The following BTBD7 variants were observed in gnomAD, a reference collection of about 807,000 sequenced individuals.
The protein encoded by BTBD7 is BTB domain containing 7.
In BTBD7, 38 loss-of-function variants were observed where a neutral mutation model predicts 99.9. That is an observed-to-expected ratio of 0.38 (90% CI 0.29 to 0.50). The LOEUF is 0.50. Ranked by LOEUF, BTBD7 falls within the 20% of genes least tolerant of loss-of-function variation. The pLI is 0.93. For missense variants in BTBD7, 1,170 were observed against 1,394.6 expected, an observed-to-expected ratio of 0.84 and a Z score of 2.57; for synonymous variants, 520 against 511.4, an observed-to-expected ratio of 1.02 and a Z score of -0.23.
intron 1 of BTBD7, among the ~76,000 whole-genome samples, chr14:93,325,106 ATTT>A (rs34523849): frequency 0.017 from 1,792 of 105,492 alleles, 23 homozygotes; most frequent in South Asian, 0.06. Context: ...GCATGCTCCA[ATTT>A]TTTTTTTTTT....
intron 10 of BTBD7, among the ~76,000 whole-genome samples, chr14:93,245,195 T>G (rs923396977): frequency 6.6e-6 from 1 of 151,798 alleles, no homozygotes; most frequent in African/African-American, 2.4e-5. Flanking sequence ...AAGTATATTA[T>G]ACAAAATCTC....
intron 4 of BTBD7, among the ~76,000 whole-genome samples, chr14:93,262,770 A>T (rs1412994831): frequency 1.3e-5 from 2 of 148,548 alleles, no homozygotes; most frequent in African/African-American, 5.1e-5. Flanking sequence ...GAGCAAATCT[A>T]GGCTGCTCTC....
chr14:93,281,094 T>C (rs2052714029), intron 3 of BTBD7, among the ~76,000 whole-genome samples: 1 of 152,010 alleles, frequency 6.6e-6, no homozygotes, highest in Non-Finnish European at 1.5e-5. Context: ...TCTGCGCTTC[T>C]TGGGCTCTTG....
chr14:93,270,827 G>C (rs1361546430), intron 3 of BTBD7, among the ~76,000 whole-genome samples: 1 of 152,198 alleles, frequency 6.6e-6, no homozygotes, highest in East Asian at 1.9e-4. Context: ...GCTCTTGGGA[G>C]GCTGGCAGGT....
chr14:93,322,709 T>C (rs2053283629), intron 1 of BTBD7, among the ~76,000 whole-genome samples: 1 of 152,180 alleles, frequency 6.6e-6, no homozygotes. Context: ...CAACCAGACA[T>C]CAAAACAAGA....
intron 1 of BTBD7, among the ~76,000 whole-genome samples, chr14:93,306,394 A>C (rs935703072): frequency 1.3e-5 from 2 of 151,502 alleles, no homozygotes; most frequent in Non-Finnish European, 2.9e-5. Flanking sequence ...GCTTGAGGCC[A>C]GGAGTTCCAG....
intron 3 of BTBD7, among the ~76,000 whole-genome samples, chr14:93,280,168 C>T (rs1164514941): frequency 6.6e-6 from 1 of 152,158 alleles, no homozygotes; most frequent in Non-Finnish European, 1.5e-5. Flanking sequence ...AGATGAGGCA[C>T]AAAAATAACA....
At position 93,239,273 on chromosome 14, in the gene BTBD7, G is replaced by A. The variant is rs559904860; in HGVS notation, c.*3000C>T. 1 of 152,600 alleles carries A rather than the reference G, an allele frequency of 6.6e-6. No individual in the cohort carries two copies. Among genetic ancestry groups the A allele is most frequent in the African/African-American group, 2.4e-5 (1 of 41,522 alleles). The allele number at this position is 152,600 out of a possible 1,614,324, so 9.5% of individuals were successfully genotyped here. On this transcript the variant is annotated 3_prime_UTR_variant, in exon 11 of 11. Coordinates refer to ENST00000334746, the MANE Select transcript of BTBD7 (RefSeq NM_001002860.4). ...GTCCTCTCGGCTCTAGCGTGTAAAC[G>A]GTAGGTCTCTAACCTCAACGCACAG...
rs576651476 is a variant in BTBD7, at chr14:93,241,759, G to A, written c.*514C>T. ...AACTAAAACAATTACTGAAAAGAGA[G>A]GAGCATTCTGATGTGCTGTTCTTTG... is the stretch of plus-strand genomic sequence containing the variant. On this transcript the variant is annotated 3_prime_UTR_variant, in exon 11 of 11. Transcript: ENST00000334746. 1.2e-4 allele frequency: 18 copies of A among 154,250 alleles called. No individual in the cohort carries two copies. The highest frequency in any genetic ancestry group is 3.8e-4 in the African/African-American group (16 of 41,566). The allele number at this position is 154,250 out of a possible 1,614,324, so 9.6% of individuals were successfully genotyped here.
At chr14:93,311,520 T>A (rs553407540) in intron 1 of BTBD7, among the ~76,000 whole-genome samples, 4 of 152,228 alleles carry the variant, frequency 2.6e-5, no homozygotes, top group Non-Finnish European at 5.9e-5. Context: ...CATAGATACA[T>A]AAATGTACAT....
intron 1 of BTBD7, among the ~76,000 whole-genome samples, chr14:93,325,370 C>T (rs960026870): frequency 6.6e-6 from 1 of 152,018 alleles, no homozygotes; most frequent in Non-Finnish European, 1.5e-5. Flanking sequence ...TCAGGTGATC[C>T]GCCCACCTCA....
At chr14:93,290,196 C>A (rs1231930003) in intron 3 of BTBD7, among the ~76,000 whole-genome samples, 1 of 151,098 alleles carries the variant, frequency 6.6e-6, no homozygotes, top group Non-Finnish European at 1.5e-5. Flanking sequence ...CTCTAGCTGT[C>A]TGCCAATACT....
intron 1 of BTBD7, among the ~76,000 whole-genome samples, chr14:93,316,251 A>ATTTT (rs2053204731): frequency 5.3e-5 from 6 of 113,758 alleles, no homozygotes; most frequent in Admixed American, 4.9e-4. Context: ...CACCATGCCC[A>ATTTT]GTCTTTTTTT....
chr14:93,313,149 T>C (rs894306938), intron 1 of BTBD7, among the ~76,000 whole-genome samples: 8 of 152,196 alleles, frequency 5.3e-5, no homozygotes, highest in Non-Finnish European at 1.0e-4. Context: ...GTCATGTCAG[T>C]GTTTGCCATC....
At chr14:93,259,137 C>G (rs1349737216) in intron 5 of BTBD7, among the ~76,000 whole-genome samples, 1 of 152,200 alleles carries the variant, frequency 6.6e-6, no homozygotes, top group Non-Finnish European at 1.5e-5. Flanking sequence ...CTGTGAACCT[C>G]TGGGTACAAC....
At chr14:93,288,217 A>C (rs2052804018) in intron 3 of BTBD7, 1 of 348,664 alleles carries the variant, frequency 2.9e-6, no homozygotes, top group African/African-American at 2.1e-5. Context: ...TATTTCTTAT[A>C]TTACTCCTTA....
intron 3 of BTBD7, among the ~76,000 whole-genome samples, chr14:93,286,775 A>G (rs1206466198): frequency 1.3e-5 from 2 of 152,204 alleles, no homozygotes; most frequent in Non-Finnish European, 2.9e-5. Context: ...GGCTGACAGG[A>G]TGACCAATGG....
At chr14:93,272,143 C>G (rs1339824155) in intron 3 of BTBD7, among the ~76,000 whole-genome samples, 1 of 151,884 alleles carries the variant, frequency 6.6e-6, no homozygotes, top group African/African-American at 2.4e-5. Flanking sequence ...ATGGTGAAAC[C>G]CCATCTGTAC....
chr14:93,250,522 TTC>T (rs1319517142), intron 8 of BTBD7, among the ~76,000 whole-genome samples: 1 of 152,246 alleles, frequency 6.6e-6, no homozygotes, highest in African/African-American at 2.4e-5. Flanking sequence ...CAATTAAAAG[TTC>T]TGTCACTATG....
Sources: gnomAD v4.1 joint callset for allele counts (sites outside exome capture counted in the v4.1 genomes callset) on GRCh38, gnomAD v4.1.1 for gene constraint, MANE v1.5 for transcripts, NCBI Gene and HGNC (gene_info 2026-07-23, HGNC 2026-07-21) for gene names.